The following DLG2 variants were observed in gnomAD, a reference collection of about 807,000 sequenced individuals.
DLG2 encodes disks large homolog 2.
A neutral mutation model predicts 132.5 loss-of-function variants in DLG2; 45 were observed. That is an observed-to-expected ratio of 0.34 (90% CI 0.27 to 0.44). The LOEUF is 0.44. DLG2 is among the 20% of genes least tolerant of loss of function. DLG2 has a pLI of 1.00. For synonymous variants in DLG2, 424 were observed against 419.6 expected, an observed-to-expected ratio of 1.01 and a Z score of -0.13; for missense variants, 1,045 against 1,196.9, an observed-to-expected ratio of 0.87 and a Z score of 1.87.
At chr11:85,117,643 T>A (rs1008757231) in intron 5 of DLG2, among the ~76,000 whole-genome samples, 206 of 117,656 alleles carry the variant, frequency 1.8e-3, no homozygotes, top group African/African-American at 4.8e-3. Flanking sequence ...TAAATAGGAA[T>A]AAAAAAAAAA....
chr11:83,914,407 G>A (rs1056472933), intron 15 of DLG2, among the ~76,000 whole-genome samples: 13 of 152,064 alleles, frequency 8.5e-5, no homozygotes, highest in African/African-American at 2.9e-4. Flanking sequence ...CCAGCTACAG[G>A]TGTTCCTTTA....
At chr11:85,419,682 A>T (rs1272572123) in intron 3 of DLG2, among the ~76,000 whole-genome samples, 1 of 152,036 alleles carries the variant, frequency 6.6e-6, no homozygotes, top group Admixed American at 6.5e-5. Context: ...CATTAAGTTG[A>T]TCTTCAATCT....
chr11:83,771,763 T>C (rs1038567534), intron 18 of DLG2, among the ~76,000 whole-genome samples: 3 of 152,222 alleles, frequency 2.0e-5, no homozygotes, highest in East Asian at 3.8e-4. Context: ...ATTATTTCTA[T>C]TACCAAGAAA....
At chr11:84,951,738 G>A (rs1435122228) in intron 6 of DLG2, among the ~76,000 whole-genome samples, 2 of 149,668 alleles carry the variant, frequency 1.3e-5, no homozygotes, top group Non-Finnish European at 3.0e-5. Context: ...ATAGTGTTTT[G>A]TGATTATTTT....
At chr11:85,247,321 C>G (rs2076183365) in intron 4 of DLG2, among the ~76,000 whole-genome samples, 1 of 151,998 alleles carries the variant, frequency 6.6e-6, no homozygotes, top group Non-Finnish European at 1.5e-5. Flanking sequence ...CTACCTCCCC[C>G]TGGGCATGGG....
At chr11:83,789,695 G>A (rs1234908273) in intron 17 of DLG2, among the ~76,000 whole-genome samples, 3 of 152,030 alleles carry the variant, frequency 2.0e-5, no homozygotes, top group Admixed American at 6.6e-5. Context: ...CTACAGGCAC[G>A]TGCCACCACG....
intron 3 of DLG2, among the ~76,000 whole-genome samples, chr11:85,528,804 T>A (rs2074979643): frequency 6.6e-6 from 1 of 152,170 alleles, no homozygotes; most frequent in South Asian, 2.1e-4. Flanking sequence ...ACAACAGACT[T>A]AACATTTTCA....
At chr11:84,201,041 C>T (rs1376127927) in intron 8 of DLG2, among the ~76,000 whole-genome samples, 1 of 152,094 alleles carries the variant, frequency 6.6e-6, no homozygotes, top group Non-Finnish European at 1.5e-5. Flanking sequence ...AATAGGAATG[C>T]TTCCAGCTTT....
At chr11:83,873,468 GAAACCTTATA>G (rs1017004067) in intron 16 of DLG2, among the ~76,000 whole-genome samples, 2 of 152,098 alleles carry the variant, frequency 1.3e-5, no homozygotes, top group Non-Finnish European at 2.9e-5. Flanking sequence ...TTTATAAGGG[GAAACCTTATA>G]AAACCTTGGC....
chr11:84,370,631 A>G (rs2098702343), intron 7 of DLG2, among the ~76,000 whole-genome samples: 1 of 152,202 alleles, frequency 6.6e-6, no homozygotes, highest in Non-Finnish European at 1.5e-5. Flanking sequence ...AACACAAGAC[A>G]GGTTTCTTCT....
At chr11:84,799,238 T>G (rs2153954542) in intron 6 of DLG2, among the ~76,000 whole-genome samples, 1 of 152,300 alleles carries the variant, frequency 6.6e-6, no homozygotes, top group South Asian at 2.1e-4. Flanking sequence ...ATTCAAATTC[T>G]AAATGCTGGG....
chr11:85,532,170 A>T (rs1010556944), intron 3 of DLG2, among the ~76,000 whole-genome samples: 1 of 152,226 alleles, frequency 6.6e-6, no homozygotes, highest in African/African-American at 2.4e-5. Flanking sequence ...AGTATATACA[A>T]AAGAAAAAGT....
intron 4 of DLG2, among the ~76,000 whole-genome samples, chr11:85,182,572 G>T (rs959266749): frequency 6.6e-6 from 1 of 151,642 alleles, no homozygotes; most frequent in Non-Finnish European, 1.5e-5. Flanking sequence ...TTGTCTGTGT[G>T]TGTGAGCAAG....
chr11:83,565,645 C>T (rs963833057), intron 19 of DLG2, among the ~76,000 whole-genome samples: 1 of 152,142 alleles, frequency 6.6e-6, no homozygotes, highest in Non-Finnish European at 1.5e-5. Flanking sequence ...TTGTTTTCTA[C>T]AGGGCCATCA....
chr11:84,948,953 C>T (rs1001368345), intron 6 of DLG2, among the ~76,000 whole-genome samples: 8 of 152,168 alleles, frequency 5.3e-5, no homozygotes, highest in African/African-American at 1.2e-4. Context: ...ACAGTTACTG[C>T]GTTCATTATT....
At chr11:84,600,070 C>T (rs2099572014) in intron 6 of DLG2, among the ~76,000 whole-genome samples, 1 of 130,932 alleles carries the variant, frequency 7.6e-6, no homozygotes, top group Admixed American at 8.5e-5. Context: ...CAGCCTGGGC[C>T]ACAGAGTGAC....
chr11:85,079,560 A>G (rs767043688), intron 6 of DLG2, among the ~76,000 whole-genome samples: 67 of 151,356 alleles, frequency 4.4e-4, no homozygotes, highest in Non-Finnish European at 8.8e-4. Flanking sequence ...CAATGGCCAA[A>G]CTTTTATTCT....
At chr11:84,890,895 G>A (rs1381036662) in intron 6 of DLG2, 1 of 152,224 alleles carries the variant, frequency 6.6e-6, no homozygotes, top group Non-Finnish European at 1.5e-5. Context: ...GTCATGCTGG[G>A]GGACAGAGCA....
At chr11:83,875,655 A>C (rs1488829502) in intron 15 of DLG2, among the ~76,000 whole-genome samples, 1 of 152,170 alleles carries the variant, frequency 6.6e-6, no homozygotes, top group Admixed American at 6.5e-5. Context: ...TATTAGTTAA[A>C]TATTTTGGTT....
Sources: allele counts gnomAD v4.1 joint callset (sites outside exome capture counted in the v4.1 genomes callset), GRCh38; gene constraint gnomAD v4.1.1; transcripts MANE v1.5; gene names NCBI Gene and HGNC (gene_info 2026-07-23, HGNC 2026-07-21).